UNC13C: variants seen among roughly 807,000 people sequenced by gnomAD.
The protein encoded by UNC13C is unc-13 homolog C.
A neutral mutation model predicts 245.4 loss-of-function variants in UNC13C; 174 were observed. That is an observed-to-expected ratio of 0.71 (90% CI 0.63 to 0.80). The LOEUF (loss-of-function observed/expected upper bound fraction) is 0.80, where lower values mean the gene tolerates loss of function less well. Among genes scored for constraint, UNC13C ranks in the 30% least tolerant of loss-of-function variants. The pLI is 0.00. For missense variants in UNC13C, 2,829 were observed against 2,602.9 expected (o/e 1.09, Z -1.89); for synonymous variants, 992 against 895.1 (o/e 1.11, Z -1.93).
chr15:54,164,363 A>T (rs1352520062), intron 4 of UNC13C, among the ~76,000 whole-genome samples: 1 of 152,230 alleles, frequency 6.6e-6, no homozygotes, highest in Non-Finnish European at 1.5e-5. Context: ...AATAAATTGT[A>T]TATAACGTTT....
intron 4 of UNC13C, among the ~76,000 whole-genome samples, chr15:54,200,197 G>A (rs550649360): frequency 5.3e-5 from 8 of 152,108 alleles, no homozygotes; most frequent in African/African-American, 1.7e-4. Flanking sequence ...ATTACTTCTA[G>A]ACCTAAGAAA....
chr15:53,960,672 A>G, the UNC13C span, among the ~76,000 whole-genome samples: 1 of 152,068 alleles, frequency 6.6e-6, no homozygotes, highest in South Asian at 2.1e-4. Context: ...CCCAAAGTAG[A>G]GTGCTTTTGG....
rs562909550 is a variant in UNC13C at position 54,402,884 on chromosome 15, G to T, written c.4847+9703G>T. On this transcript the variant is annotated intron_variant, in intron 18 of 32. Transcript: ENST00000260323. ...TTTAATGATTAATCTGGATCTGATT[G>T]CAACATCTTTTAGGCTTTCTATGTT... Among the ~76,000 whole-genome samples the T allele has an allele frequency of 6.6e-5, 10 of 152,306 alleles. No homozygotes were observed. In the South Asian group the frequency reaches 1.0e-3, roughly 16 times the overall value.
chr15:54,051,739 G>C (rs1897275538), intron 2 of UNC13C, among the ~76,000 whole-genome samples: 1 of 150,038 alleles, frequency 6.7e-6, no homozygotes, highest in Admixed American at 6.7e-5. Flanking sequence ...GCTCGTTTAA[G>C]GACTATACTC....
intron 10 of UNC13C, among the ~76,000 whole-genome samples, chr15:54,277,975 G>A (rs1269728187): frequency 4.6e-5 from 7 of 152,064 alleles, no homozygotes; most frequent in East Asian, 1.9e-4. Flanking sequence ...AGTAGTAGCC[G>A]GTGCACAGTC....
intron 4 of UNC13C, among the ~76,000 whole-genome samples, chr15:54,151,828 G>A (rs542915592): frequency 5.4e-5 from 8 of 148,674 alleles, no homozygotes; most frequent in Admixed American, 3.3e-4. Flanking sequence ...GCGCTGGAGC[G>A]TTCCATAATG....
At chr15:54,176,633 G>A (rs1291541113) in intron 4 of UNC13C, among the ~76,000 whole-genome samples, 1 of 152,050 alleles carries the variant, frequency 6.6e-6, no homozygotes, top group African/African-American at 2.4e-5. Flanking sequence ...AAACCAGGGA[G>A]CATGAAACAT....
At chr15:54,072,879 T>A (rs1898397040) in intron 2 of UNC13C, among the ~76,000 whole-genome samples, 2 of 111,188 alleles carry the variant, frequency 1.8e-5, no homozygotes, top group African/African-American at 5.2e-5. Context: ...TCTTTCTTCT[T>A]CTTCTTTTTT....
intron 30 of UNC13C, among the ~76,000 whole-genome samples, chr15:54,600,124 A>C (rs1480525555): frequency 6.6e-6 from 1 of 152,242 alleles, no homozygotes; most frequent in East Asian, 1.9e-4. Flanking sequence ...TCTCCAGAGT[A>C]GTTTATGATC....
At chr15:54,072,771 A>G (rs2141100620) in intron 2 of UNC13C, among the ~76,000 whole-genome samples, 1 of 152,300 alleles carries the variant, frequency 6.6e-6, no homozygotes, top group Middle Eastern at 3.4e-3. Flanking sequence ...ATAAAAGAAC[A>G]TTTTACTACT....
chr15:54,069,734 C>A (rs1004754909), intron 2 of UNC13C, among the ~76,000 whole-genome samples: 1 of 152,152 alleles, frequency 6.6e-6, no homozygotes, highest in Non-Finnish European at 1.5e-5. Flanking sequence ...TACACTGTAA[C>A]GTTAGATAAC....
intron 19 of UNC13C, among the ~76,000 whole-genome samples, chr15:54,463,711 G>T (rs150666405): frequency 6.6e-6 from 1 of 152,114 alleles, no homozygotes. Flanking sequence ...CACTGGGAGG[G>T]TCCGCAGCTT....
intron 10 of UNC13C, among the ~76,000 whole-genome samples, chr15:54,276,905 G>A (rs891877358): frequency 4.0e-5 from 6 of 151,376 alleles, no homozygotes; most frequent in African/African-American, 7.3e-5. Context: ...AATAATTTTG[G>A]GTATAAAGTA....
intron 24 of UNC13C, among the ~76,000 whole-genome samples, chr15:54,520,370 G>A (rs1435566732): frequency 6.6e-6 from 1 of 152,138 alleles, no homozygotes. Flanking sequence ...ATTAAGAATA[G>A]TAATAAGTTG....
At chr15:54,211,951 C>T (rs1470023800) in intron 4 of UNC13C, among the ~76,000 whole-genome samples, 1 of 151,966 alleles carries the variant, frequency 6.6e-6, no homozygotes, top group African/African-American at 2.4e-5. Flanking sequence ...CAGGAGATTC[C>T]GTTTTGCTGG....
chr15:53,901,984 T>C, the UNC13C span, among the ~76,000 whole-genome samples: 2 of 151,890 alleles, frequency 1.3e-5, no homozygotes, highest in African/African-American at 4.8e-5. Context: ...TCCATTTTCC[T>C]CAATGGAAGA....
rs535781853 is a variant in UNC13C at position 54,072,033 on chromosome 15, G to A, written c.2983+56147G>A. On this transcript the variant is annotated intron_variant, in intron 2 of 32. Transcript: ENST00000260323. Reference sequence around the variant, plus strand: ...CTTAGATTTGCTTCTACTGCCATCTGGGACATCCCTCCTTCTCTGTTGCAG... The same window carrying A: ...CTTAGATTTGCTTCTACTGCCATCTAGGACATCCCTCCTTCTCTGTTGCAG... Among the ~76,000 whole-genome samples, 13 of 152,170 alleles carry A rather than the reference G, an allele frequency of 8.5e-5. No individual in the cohort carries two copies. The East Asian group carries it at 2.1e-3, about 25-fold the overall frequency.
chr15:54,488,249 G>A (rs1893527016), intron 19 of UNC13C, among the ~76,000 whole-genome samples: 1 of 152,070 alleles, frequency 6.6e-6, no homozygotes, highest in Non-Finnish European at 1.5e-5. Context: ...ACGTTTCCTG[G>A]TGATAAAATT....
At chr15:54,291,589 G>A (rs973895873) in intron 10 of UNC13C, among the ~76,000 whole-genome samples, 3 of 151,876 alleles carry the variant, frequency 2.0e-5, no homozygotes, top group Non-Finnish European at 2.9e-5. Flanking sequence ...AGCTAATATG[G>A]ATGAAACATT....
Sources: allele counts gnomAD v4.1 joint callset (sites outside exome capture counted in the v4.1 genomes callset), GRCh38; gene constraint gnomAD v4.1.1; transcripts MANE v1.5; gene names NCBI Gene and HGNC (gene_info 2026-07-23, HGNC 2026-07-21).